Variants in KDM4B observed in about 807,000 individuals in gnomAD.
KDM4B encodes the protein lysine-specific demethylase 4B.
KDM4B carries 32 observed loss-of-function variants against 125.2 expected under a neutral mutation model. The observed-to-expected ratio is 0.26, with a 90% CI of 0.19 to 0.34. The LOEUF is 0.34. Among genes scored for constraint, KDM4B ranks in the 10% least tolerant of loss-of-function variants. The pLI, the probability that KDM4B is intolerant of heterozygous loss-of-function variation, is 1.00. For synonymous variants in KDM4B, 721 were observed against 677.9 expected, an observed-to-expected ratio of 1.06 and a Z score of -0.99; for missense variants, 1,190 against 1,577.7, an observed-to-expected ratio of 0.75 and a Z score of 4.16.
intron 1 of KDM4B, among the ~76,000 whole-genome samples, chr19:4,984,177 C>T (rs1189012028): frequency 2.0e-5 from 3 of 152,290 alleles, no homozygotes; most frequent in East Asian, 1.9e-4. Context: ...CAGCATCCAC[C>T]GAGCGGAGGC....
intron 9 of KDM4B, among the ~76,000 whole-genome samples, chr19:5,090,332 T>C (rs1265194088): frequency 6.7e-6 from 1 of 149,538 alleles, no homozygotes; most frequent in Non-Finnish European, 1.5e-5. Flanking sequence ...GCTAGAGCTG[T>C]CTCAGTGGTA....
intron 11 of KDM4B, among the ~76,000 whole-genome samples, chr19:5,128,612 C>A (rs73546232): frequency 6.6e-6 from 1 of 152,278 alleles, no homozygotes; most frequent in African/African-American, 2.4e-5. Flanking sequence ...GACAGGCGCT[C>A]GGGGTGAGGC....
At chr19:5,025,637 CT>C (rs977426543) in intron 2 of KDM4B, among the ~76,000 whole-genome samples, 4 of 152,238 alleles carry the variant, frequency 2.6e-5, no homozygotes, top group Non-Finnish European at 4.4e-5. Flanking sequence ...CTGGTCTAGC[CT>C]CGATCCTGCC....
rs753456068 is a variant in KDM4B, at chr19:5,039,886, C to T, written c.192C>T (p.Asp64=). 8.7e-6 allele frequency: 14 copies of T among 1,612,988 alleles called. No homozygotes were observed. Among genetic ancestry groups the T allele is most frequent in the Middle Eastern group, 1.7e-4 (1 of 6,060 alleles). Residue 64 remains aspartate (D), a synonymous_variant, in exon 4 of 23, where the codon GAC becomes GAT. Coordinates refer to ENST00000159111, the MANE Select transcript of KDM4B (RefSeq NM_015015.3). ...WKPRQTYDDI[D]DVVIPAPIQQ... ...CGCGGCAGACGTATGATGACATCGA[C>T]GACGTGGTGATCCCGGCGCCCATCC...
At chr19:5,024,899 G>A (rs1354066290) in intron 2 of KDM4B, among the ~76,000 whole-genome samples, 1 of 152,236 alleles carries the variant, frequency 6.6e-6, no homozygotes, top group Non-Finnish European at 1.5e-5. Context: ...AGTGAGCTGA[G>A]ATCGCGCCAC....
intron 9 of KDM4B, among the ~76,000 whole-genome samples, chr19:5,096,425 C>T (rs765203696): frequency 1.3e-4 from 20 of 152,308 alleles, no homozygotes; most frequent in Middle Eastern, 3.4e-3. Flanking sequence ...CATCCGGACT[C>T]CTGGCAGCAT....
intron 2 of KDM4B, among the ~76,000 whole-genome samples, chr19:5,022,344 G>A (rs1007628642): frequency 2.0e-5 from 3 of 152,176 alleles, no homozygotes; most frequent in East Asian, 3.9e-4. Context: ...TCTTGGGTAC[G>A]TAGGGCACAG....
intron 10 of KDM4B, chr19:5,111,887 A>G: frequency 1.3e-6 from 1 of 751,994 alleles, no homozygotes; most frequent in Non-Finnish European, 2.4e-6. Context: ...TTGTTTACAG[A>G]CCCTGAAATC....
At chr19:5,096,063 G>C (rs1455824175) in intron 9 of KDM4B, among the ~76,000 whole-genome samples, 2 of 152,228 alleles carry the variant, frequency 1.3e-5, no homozygotes, top group East Asian at 3.9e-4. Context: ...GCGCACACAG[G>C]GCCGGTGTAC....
intron 9 of KDM4B, among the ~76,000 whole-genome samples, chr19:5,101,119 G>A (rs1256692574): frequency 6.6e-6 from 1 of 151,772 alleles, no homozygotes; most frequent in Non-Finnish European, 1.5e-5. Context: ...CTACTGGGGA[G>A]GCTGAGGTAG....
chr19:5,059,411 C>T (rs868144191), intron 6 of KDM4B, among the ~76,000 whole-genome samples: 13 of 152,180 alleles, frequency 8.5e-5, no homozygotes, highest in Non-Finnish European at 1.5e-4. Flanking sequence ...GGGCTCGGGC[C>T]GCTTGTTCTC....
Position 5,047,565 on chromosome 19 carries a change from G to T in KDM4B, c.522G>T (p.Thr174=), listed in dbSNP as rs1212302428. ...ECGTIIEGVN[T]PYLYFGMWKT... ...GCACCATCATCGAGGGCGTGAACACGCCCTACCTGTACTTCGGCATGTGGA... is the reference window on the plus strand; with the variant it reads ...GCACCATCATCGAGGGCGTGAACACTCCCTACCTGTACTTCGGCATGTGGA... The change falls in exon 6 of 23, where the codon ACG becomes ACT. Residue 174 remains threonine (T), a synonymous_variant. Coordinates refer to ENST00000159111, the MANE Select transcript of KDM4B (RefSeq NM_015015.3). The T allele has an allele frequency of 4.3e-6, 7 of 1,613,960 alleles. No homozygotes were observed. The highest frequency in any genetic ancestry group is 2.2e-5 in the South Asian group (2 of 91,088).
At chr19:5,146,111 C>A (rs997179284) in intron 21 of KDM4B, among the ~76,000 whole-genome samples, 27 of 144,544 alleles carry the variant, frequency 1.9e-4, no homozygotes, top group Non-Finnish European at 3.5e-4. Context: ...CCCCCACCCC[C>A]GGCCGTGCAG....
intron 2 of KDM4B, among the ~76,000 whole-genome samples, chr19:5,019,450 G>T (rs1273869061): frequency 8.8e-5 from 12 of 136,400 alleles, no homozygotes; most frequent in African/African-American, 3.3e-4. Context: ...GTTGGTGTGC[G>T]TGTTGGTGTG....
chr19:5,046,679 G>A (rs771490166), intron 5 of KDM4B, among the ~76,000 whole-genome samples: 4 of 152,212 alleles, frequency 2.6e-5, no homozygotes, highest in Non-Finnish European at 5.9e-5. Flanking sequence ...CCTGGTGGGT[G>A]GGGATTCCGT....
At chr19:5,121,104 A>T (rs1308998120) in intron 11 of KDM4B, among the ~76,000 whole-genome samples, 2 of 152,140 alleles carry the variant, frequency 1.3e-5, no homozygotes, top group Non-Finnish European at 2.9e-5. Flanking sequence ...ATCTGTGACG[A>T]TGGGGTCGTG....
rs144429854 is a variant in KDM4B at position 4,998,140 on chromosome 19, C to T, written c.-108-18117C>T. Reference sequence around the variant, plus strand: ...GCATCCCCGCTCTGTGTGGCTCCATCCCCTCGCCTGGGGGCAGTGGACGGA... The same window carrying T: ...GCATCCCCGCTCTGTGTGGCTCCATTCCCTCGCCTGGGGGCAGTGGACGGA... On this transcript the variant is annotated intron_variant, in intron 1 of 22. Transcript: ENST00000159111. 6.6e-3 allele frequency among the ~76,000 whole-genome samples: 1,005 copies of T among 152,308 alleles called. 9 individuals are homozygous for T. Among genetic ancestry groups the T allele is most frequent in the African/African-American group, 0.023 (961 of 41,568 alleles).
intron 9 of KDM4B, among the ~76,000 whole-genome samples, chr19:5,096,086 CTTTT>C (rs36115996): frequency 2.9e-5 from 4 of 136,694 alleles, no homozygotes; most frequent in Non-Finnish European, 3.2e-5. Flanking sequence ...TGTGGGGAAT[CTTTT>C]TTTTTTTTTT....
intron 1 of KDM4B, among the ~76,000 whole-genome samples, chr19:4,973,853 G>A (rs1331334106): frequency 6.6e-6 from 1 of 151,962 alleles, no homozygotes; most frequent in East Asian, 1.9e-4. Flanking sequence ...AAACTGGCTG[G>A]GTGCGGTGGC....
Sources: gnomAD v4.1 joint callset for allele counts (sites outside exome capture counted in the v4.1 genomes callset) on GRCh38, gnomAD v4.1.1 for gene constraint, MANE v1.5 for transcripts, NCBI Gene and HGNC (gene_info 2026-07-23, HGNC 2026-07-21) for gene names.